PKP4: variants seen among roughly 807,000 people sequenced by gnomAD.
The protein encoded by PKP4 is plakophilin-4.
A neutral mutation model predicts 145.1 loss-of-function variants in PKP4; 90 were observed. The ratio of observed to expected loss-of-function variants is 0.62; its 90% CI spans 0.52 to 0.74. PKP4 has a LOEUF of 0.74. PKP4 is among the 30% of genes least tolerant of loss of function. The pLI, the probability that PKP4 is intolerant of heterozygous loss-of-function variation, is 0.00. For missense variants in PKP4, 1,340 were observed against 1,482.7 expected (o/e 0.90, Z 1.58); for synonymous variants, 563 against 577.2 (o/e 0.98, Z 0.35).
At chr2:158,474,116 C>A (rs529910004) in intron 1 of PKP4, among the ~76,000 whole-genome samples, 1 of 152,122 alleles carries the variant, frequency 6.6e-6, no homozygotes, top group Admixed American at 6.5e-5. Context: ...TTCTTTCATC[C>A]TCATAGTCAT....
intron 2 of PKP4, 164 bp downstream of exon 2, chr2:158,533,480 G>A (rs111745928): frequency 1.4e-5 from 11 of 794,186 alleles, no homozygotes; most frequent in African/African-American, 5.1e-5. Flanking sequence ...GGCATGTAGA[G>A]CCGCTCCAGG....
intron 19 of PKP4, among the ~76,000 whole-genome samples, chr2:158,674,716 G>A (rs545685057): frequency 7.2e-5 from 11 of 152,284 alleles, no homozygotes; most frequent in Middle Eastern, 3.4e-3. Flanking sequence ...GATTATTACT[G>A]CCAAGCCAAT....
chr2:158,622,682 AAC>A (rs1285628528), intron 6 of PKP4, among the ~76,000 whole-genome samples: 1 of 152,188 alleles, frequency 6.6e-6, no homozygotes, highest in Non-Finnish European at 1.5e-5. Context: ...GTTTGTATTA[AAC>A]ACAAATATAA....
chr2:158,517,635 TCCTGTGCTACTTGCACATA>T (rs1469542648), intron 1 of PKP4, among the ~76,000 whole-genome samples: 5 of 152,078 alleles, frequency 3.3e-5, no homozygotes, highest in African/African-American at 1.2e-4. Context: ...AGTAGCACAT[TCCTGTGCTACTTGCACATA>T]CCTGTACTCC....
intron 1 of PKP4, among the ~76,000 whole-genome samples, chr2:158,528,669 G>GAAAAA (rs59566011): frequency 1.2e-5 from 1 of 86,010 alleles, no homozygotes; most frequent in Non-Finnish European, 2.2e-5. Flanking sequence ...CTTACTAAAT[G>GAAAAA]AAAAAAAAAA....
chr2:158,526,746 A>T (rs2042990514), intron 1 of PKP4, among the ~76,000 whole-genome samples: 1 of 79,534 alleles, frequency 1.3e-5, no homozygotes, highest in African/African-American at 5.3e-5. Context: ...CCATTGTCTC[A>T]GCCCAAAATC....
chr2:158,482,563 ACGG>A (rs1693521369), intron 1 of PKP4, among the ~76,000 whole-genome samples: 2 of 152,166 alleles, frequency 1.3e-5, no homozygotes, highest in Non-Finnish European at 2.9e-5. Flanking sequence ...TAGGCCAAGT[ACGG>A]TGGTCATGCC....
At chr2:158,646,683 A>C (rs929391) in intron 11 of PKP4, among the ~76,000 whole-genome samples, 102,504 of 152,048 alleles carry the variant, frequency 0.67, 37,047 homozygotes, top group East Asian at 0.92. Context: ...CTTTCATTAA[A>C]TCTTCCTCAC....
At position 158,663,337 on chromosome 2, in the gene PKP4, C is replaced by T. The variant is rs1244463534; in HGVS notation, c.2469C>T (p.His823=). ...KSPKGVEMLW[H]PSVVKPYLTL... is the part of the protein sequence containing the mutation. ...CCAAAGGGGTTGAGATGCTGTGGCA[C>T]CCATCGGTGGTAAAACCATATCTGA... The change falls in exon 15 of 22, where the codon CAC becomes CAT. Residue 823 remains histidine, a synonymous_variant. Transcript: ENST00000389759. The T allele has an allele frequency of 1.2e-6, 2 of 1,613,874 alleles. No individual in the cohort carries two copies. Among genetic ancestry groups the T allele is most frequent in the African/African-American group, 1.3e-5 (1 of 74,926 alleles).
intron 1 of PKP4, among the ~76,000 whole-genome samples, chr2:158,510,761 A>G (rs1559245244): frequency 6.6e-6 from 1 of 152,216 alleles, no homozygotes; most frequent in Non-Finnish European, 1.5e-5. Context: ...GATGGAAGGC[A>G]TGAGAATAGA....
intron 3 of PKP4, among the ~76,000 whole-genome samples, chr2:158,580,193 G>A (rs535061298): frequency 8.5e-5 from 13 of 152,240 alleles, no homozygotes; most frequent in East Asian, 1.9e-4. Context: ...AGGCTATATC[G>A]TTCATTGGCT....
Position 158,627,710 on chromosome 2 carries a change from CTT to C in PKP4, c.1153+2286_1153+2287del, listed in dbSNP as rs1174603936. 2.0e-5 allele frequency among the ~76,000 whole-genome samples: 3 copies of C among 149,606 alleles called. No individual in the cohort carries two copies. The South Asian group carries it at 6.3e-4, about 32-fold the overall frequency. ...GAATAATCATGGCATGTAAAGAAAA[CTT>C]TTGAGGAGATAAAGAATTGATCTTT... On this transcript the variant is annotated intron_variant, in intron 7 of 21. Coordinates refer to ENST00000389759, the MANE Select transcript of PKP4 (RefSeq NM_003628.6).
chr2:158,613,949 A>C (rs2051359957), intron 4 of PKP4, among the ~76,000 whole-genome samples: 1 of 152,196 alleles, frequency 6.6e-6, no homozygotes, highest in Non-Finnish European at 1.5e-5. Context: ...AAAAACATGA[A>C]AATGAAGGAA....
chr2:158,619,296 A>G (rs2051963485), intron 4 of PKP4, among the ~76,000 whole-genome samples: 1 of 152,214 alleles, frequency 6.6e-6, no homozygotes, highest in African/African-American at 2.4e-5. Context: ...TTCAACGTGT[A>G]CCAGGGAAAC....
chr2:158,669,699 T>C, intron 16 of PKP4, 21 bp from the exon 17 acceptor site: 2 of 1,506,008 alleles, frequency 1.3e-6, no homozygotes, highest in East Asian at 2.3e-5. Flanking sequence ...GAAGTAGAAT[T>C]TACTCTTTTG....
chr2:158,634,727 T>C (rs1358302948), intron 9 of PKP4, among the ~76,000 whole-genome samples: 1 of 152,250 alleles, frequency 6.6e-6, no homozygotes, highest in South Asian at 2.1e-4. Flanking sequence ...TTTTCAATCA[T>C]AGTGGTCAAC....
intron 3 of PKP4, among the ~76,000 whole-genome samples, chr2:158,584,279 A>G (rs1319073091): frequency 1.3e-5 from 2 of 152,202 alleles, no homozygotes; most frequent in Non-Finnish European, 2.9e-5. Flanking sequence ...AAGCACGTAC[A>G]CCAAATTTAA....
At chr2:158,564,007 G>A (rs577100680) in intron 2 of PKP4, among the ~76,000 whole-genome samples, 211 of 152,152 alleles carry the variant, frequency 1.4e-3, no homozygotes, top group African/African-American at 4.7e-3. Context: ...ATAATACTTC[G>A]TGTCTTTTCT....
At position 158,625,167 on chromosome 2, in the gene PKP4, A is replaced by T; in HGVS notation, c.893A>T (p.Asn298Ile). Reference sequence around the variant, plus strand: ...TCAGTCACCTCCCGGCAGACCTCCAATCCCAACGGACCAACCCCTCAATAC... The same window carrying T: ...TCAGTCACCTCCCGGCAGACCTCCATTCCCAACGGACCAACCCCTCAATAC... ...IGSVTSRQTS[N>I]PNGPTPQYQT... The change falls in exon 7 of 22, where the codon AAT (asparagine) becomes ATT (isoleucine). Residue 298 changes from asparagine (N) to isoleucine (I), a missense_variant. Physicochemically the swap from Asn to Ile is moderately radical, Grantham distance 149 (BLOSUM62 -3). Transcript: ENST00000389759. 6.2e-7 allele frequency: 1 copy of T among 1,614,096 alleles called. No individual in the cohort carries two copies. Among genetic ancestry groups the T allele is most frequent in the Non-Finnish European group, 8.5e-7 (1 of 1,180,030 alleles).
Sources: allele counts gnomAD v4.1 joint callset (sites outside exome capture counted in the v4.1 genomes callset), GRCh38; gene constraint gnomAD v4.1.1; transcripts MANE v1.5; gene names NCBI Gene and HGNC (gene_info 2026-07-23, HGNC 2026-07-21).